LRCH3: variants seen among roughly 807,000 people sequenced by gnomAD.
The protein encoded by LRCH3 is DISP complex protein LRCH3.
LRCH3 carries 68 observed loss-of-function variants against 104.5 expected under a neutral mutation model. That is an observed-to-expected ratio of 0.65 (90% CI 0.54 to 0.80). LRCH3 has a LOEUF of 0.80. Among genes scored for constraint, LRCH3 ranks in the 30% least tolerant of loss-of-function variants. The pLI is 0.00. For missense variants in LRCH3, 951 were observed against 953.9 expected, an observed-to-expected ratio of 1.00 and a Z score of 0.04; for synonymous variants, 344 against 361.3, an observed-to-expected ratio of 0.95 and a Z score of 0.54.
intron 18 of LRCH3, among the ~76,000 whole-genome samples, chr3:197,870,482 C>T (rs1333642150): frequency 6.6e-6 from 1 of 152,184 alleles, no homozygotes; most frequent in East Asian, 1.9e-4. Flanking sequence ...TCTTCTGCCT[C>T]AGCCTCCTGA....
At chr3:197,838,618 C>T (rs1737286990) in intron 9 of LRCH3, among the ~76,000 whole-genome samples, 1 of 152,044 alleles carries the variant, frequency 6.6e-6, no homozygotes, top group Non-Finnish European at 1.5e-5. Flanking sequence ...AACCTTTAAT[C>T]CTCTACCTTT....
Position 197,809,595 on chromosome 3 carries a change from TC to T in LRCH3, c.263-5308del, listed in dbSNP as rs113865664. 4.4e-3 allele frequency among the ~76,000 whole-genome samples: 653 copies of T among 148,636 alleles called. 1 individual carries two copies. The highest frequency in any genetic ancestry group is 5.7e-3 in the Non-Finnish European group (378 of 66,834). On this transcript the variant is annotated intron_variant, in intron 1 of 20. Coordinates refer to ENST00000425562, the MANE Select transcript of LRCH3 (RefSeq NM_001365715.1). The stretch of plus-strand genomic sequence containing the variant: ...GCTCTGTTCAGTCTTTTTTTTTTTT[TC>T]CCCCAATCTGTTTTCTCTCTGTTGT...
At chr3:197,846,167 T>G (rs1002798716) in intron 10 of LRCH3, among the ~76,000 whole-genome samples, 3 of 152,024 alleles carry the variant, frequency 2.0e-5, no homozygotes, top group African/African-American at 7.2e-5. Context: ...CTCGGAGGCC[T>G]CGGTGGGTGG....
At chr3:197,826,378 C>T (rs1293644961) in intron 4 of LRCH3, among the ~76,000 whole-genome samples, 1 of 152,120 alleles carries the variant, frequency 6.6e-6, no homozygotes, top group Non-Finnish European at 1.5e-5. Context: ...GACTTAACTC[C>T]TCCATTTTTA....
chr3:197,812,504 G>GTTTTGTTTTTTTTTTTTTT (rs1733252501), intron 1 of LRCH3, among the ~76,000 whole-genome samples: 1 of 48,956 alleles, frequency 2.0e-5, no homozygotes, highest in Non-Finnish European at 3.5e-5. Flanking sequence ...TCTGCTTTCA[G>GTTTTGTTTTTTTTTTTTTT]TTTTTTTTTT....
chr3:197,841,838 T>TTTG (rs1398265752), intron 10 of LRCH3, among the ~76,000 whole-genome samples: 1 of 137,842 alleles, frequency 7.3e-6, no homozygotes, highest in East Asian at 1.9e-4. Context: ...TTTGTTTTGT[T>TTTG]TTGTTTTGTT....
Position 197,871,430 on chromosome 3 carries a change from G to C in LRCH3, c.2098G>C (p.Val700Leu). The C allele has an allele frequency of 2.5e-6, 4 of 1,613,946 alleles. No homozygotes were observed. Among genetic ancestry groups the C allele is most frequent in the Non-Finnish European group, 3.4e-6 (4 of 1,179,922 alleles). Residue 700 changes from valine to leucine, a missense_variant, in exon 19 of 21, where the codon GTC becomes CTC. Physicochemically the swap from Val to Leu is conservative, Grantham distance 32. Transcript: ENST00000425562. ...HLANHVRPRSVPSIHVPSPAV... is the reference protein window; with the variant it reads ...HLANHVRPRSLPSIHVPSPAV... The stretch of plus-strand genomic sequence containing the variant: ...GGCCAATCATGTGCGACCTCGATCT[G>C]TCCCAAGCATTCATGTTCCCTCACC...
chr3:197,834,942 G>T (rs1193778285), intron 8 of LRCH3, among the ~76,000 whole-genome samples: 1 of 152,094 alleles, frequency 6.6e-6, no homozygotes, highest in African/African-American at 2.4e-5. Flanking sequence ...CCAGGAGTTG[G>T]AGACCAGCCT....
intron 12 of LRCH3, among the ~76,000 whole-genome samples, chr3:197,851,258 A>G (rs1032269663): frequency 1.3e-5 from 2 of 152,218 alleles, no homozygotes; most frequent in African/African-American, 2.4e-5. Flanking sequence ...GAGATAGTCA[A>G]CTTGTAGAGA....
At position 197,881,462 on chromosome 3, in the gene LRCH3, T is replaced by C. The variant is rs1241865373; in HGVS notation, c.2209-2079T>C. The C allele has an allele frequency of 3.0e-6, 3 of 985,374 alleles. No homozygotes were observed. The African/African-American group carries it at 5.2e-5, about 17-fold the overall frequency. The allele number at this position is 985,374 out of a possible 1,614,324, so 61.0% of individuals were successfully genotyped here. On this transcript the variant is annotated intron_variant, in intron 20 of 20. Transcript: ENST00000425562. Reference sequence around the variant, plus strand: ...CTCTCAGGGTGGGCACCTTCCAGATTGTGTTTGTTATGTGTGACTGAGGTT... The same window carrying C: ...CTCTCAGGGTGGGCACCTTCCAGATCGTGTTTGTTATGTGTGACTGAGGTT...
intron 1 of LRCH3, among the ~76,000 whole-genome samples, chr3:197,800,884 A>C (rs1336241594): frequency 6.6e-6 from 1 of 152,186 alleles, no homozygotes; most frequent in Admixed American, 6.5e-5. Context: ...TCACAAGGTC[A>C]GGAGTTCGAG....
rs143553473 is a variant in LRCH3 at position 197,824,774 on chromosome 3, C to G, written c.641-2104C>G. Among the ~76,000 whole-genome samples the G allele has an allele frequency of 5.7e-3, 840 of 146,858 alleles. 17 individuals carry two copies. The highest frequency in any genetic ancestry group is 0.018 in the East Asian group (85 of 4,694). ...TTTAGTAGAGATGGGGTTTTACCAT[C>G]TTGGCCAGGCTGGTCTTGAACTTCT... On this transcript the variant is annotated intron_variant, in intron 4 of 20. Transcript: ENST00000425562.
chr3:197,878,912 A>C (rs1186541591), intron 20 of LRCH3, among the ~76,000 whole-genome samples: 1 of 152,232 alleles, frequency 6.6e-6, no homozygotes, highest in Non-Finnish European at 1.5e-5. Context: ...TAAAACAGAA[A>C]ACAATATTAC....
At chr3:197,880,057 T>G (rs191326591) in intron 20 of LRCH3, among the ~76,000 whole-genome samples, 17,817 of 146,734 alleles carry the variant, frequency 0.12, 1,613 homozygotes, top group African/African-American at 0.26. Context: ...GCCATTCTCC[T>G]GCCTCAGCCT....
intron 12 of LRCH3, chr3:197,850,721 C>G: frequency 7.2e-7 from 1 of 1,391,638 alleles, no homozygotes; most frequent in South Asian, 1.2e-5. Flanking sequence ...GACCTTGTGT[C>G]CAGCCCCACT....
At chr3:197,841,221 C>T (rs374333714) in intron 10 of LRCH3, among the ~76,000 whole-genome samples, 12 of 152,258 alleles carry the variant, frequency 7.9e-5, no homozygotes, top group South Asian at 4.2e-4. Flanking sequence ...TTCATTTTCA[C>T]GCTCCTACAT....
chr3:197,848,185 G>A, intron 12 of LRCH3, 164 bp downstream of exon 12: 1 of 641,734 alleles, frequency 1.6e-6, no homozygotes, highest in Non-Finnish European at 2.7e-6. Context: ...CTATCTGCAT[G>A]AGGACAGAAC....
intron 20 of LRCH3, chr3:197,880,407 T>A (rs541697192): frequency 1.1e-6 from 1 of 874,450 alleles, no homozygotes; most frequent in South Asian, 1.5e-5. Context: ...GATGTGTATA[T>A]GTGAATATGA....
intron 1 of LRCH3, among the ~76,000 whole-genome samples, chr3:197,812,525 T>TTTTTTTTTTTTG: frequency 7.1e-6 from 1 of 139,994 alleles, no homozygotes; most frequent in Non-Finnish European, 1.5e-5. Flanking sequence ...TTTTTTTTTT[T>TTTTTTTTTTTTG]TTTTTAGGTG....
Sources: gnomAD v4.1 joint callset for allele counts (sites outside exome capture counted in the v4.1 genomes callset) on GRCh38, gnomAD v4.1.1 for gene constraint, MANE v1.5 for transcripts, NCBI Gene and HGNC (gene_info 2026-07-23, HGNC 2026-07-21) for gene names.